The following ATRNL1 variants were observed in gnomAD, a reference collection of about 807,000 sequenced individuals.
ATRNL1 encodes the protein attractin like 1, also known as attractin-like protein 1.
In ATRNL1, 95 loss-of-function variants were observed where a neutral mutation model predicts 182.7. The observed-to-expected ratio is 0.52, with a 90% CI of 0.44 to 0.62. ATRNL1 has a LOEUF of 0.62. Ranked by LOEUF, ATRNL1 falls within the 20% of genes least tolerant of loss-of-function variation. The probability of loss-of-function intolerance (pLI) is 0.00; values close to 1 mark genes in which losing one functional copy is unlikely to be tolerated. For missense variants in ATRNL1, 1,471 were observed against 1,679.5 expected (o/e 0.88, Z 2.17); for synonymous variants, 576 against 568.3 (o/e 1.01, Z -0.19).
intron 24 of ATRNL1, among the ~76,000 whole-genome samples, chr10:115,477,982 G>A (rs1848607508): frequency 6.6e-6 from 1 of 151,632 alleles, no homozygotes; most frequent in South Asian, 2.1e-4. Context: ...TAAGCAGTAG[G>A]TATTAAGAAC....
At chr10:115,610,244 G>T (rs1857085777) in intron 26 of ATRNL1, among the ~76,000 whole-genome samples, 1 of 152,130 alleles carries the variant, frequency 6.6e-6, no homozygotes, top group Non-Finnish European at 1.5e-5. Flanking sequence ...GCTCTTAACT[G>T]CTACACTCTC....
chr10:115,289,298 G>C (rs1341162384), intron 15 of ATRNL1, among the ~76,000 whole-genome samples: 1 of 152,138 alleles, frequency 6.6e-6, no homozygotes, highest in Non-Finnish European at 1.5e-5. Flanking sequence ...ATATGGATGG[G>C]AACACAGCCA....
At chr10:115,633,053 C>T (rs1196869384) in intron 26 of ATRNL1, among the ~76,000 whole-genome samples, 5 of 151,716 alleles carry the variant, frequency 3.3e-5, no homozygotes, top group Non-Finnish European at 5.9e-5. Flanking sequence ...CTGCCACACC[C>T]GGGTAATTTT....
At chr10:115,255,872 C>G (rs1056141984) in intron 10 of ATRNL1, among the ~76,000 whole-genome samples, 5 of 152,104 alleles carry the variant, frequency 3.3e-5, no homozygotes, top group Non-Finnish European at 5.9e-5. Context: ...TGTCGAAGGC[C>G]TTTTTGGCAT....
At chr10:115,535,266 T>C (rs1390988503) in intron 25 of ATRNL1, among the ~76,000 whole-genome samples, 2 of 152,244 alleles carry the variant, frequency 1.3e-5, no homozygotes, top group Non-Finnish European at 2.9e-5. Flanking sequence ...AGATGTGGTC[T>C]TTTCACATAA....
At chr10:115,547,678 G>T (rs7912262) in intron 25 of ATRNL1, among the ~76,000 whole-genome samples, 4,209 of 152,188 alleles carry the variant, frequency 0.028, 226 homozygotes, top group African/African-American at 0.097. Context: ...AGGTTAGGAA[G>T]TATTAAGGAA....
chr10:115,671,370 AGAG>A (rs1945692567), intron 26 of ATRNL1, among the ~76,000 whole-genome samples: 1 of 152,174 alleles, frequency 6.6e-6, no homozygotes, highest in African/African-American at 2.4e-5. Context: ...AGTAATGGAT[AGAG>A]TAGATGCTTC....
intron 1 of ATRNL1, among the ~76,000 whole-genome samples, chr10:115,094,370 A>G (rs1331923625): frequency 1.3e-5 from 2 of 152,270 alleles, no homozygotes; most frequent in East Asian, 1.9e-4. Context: ...GCCCAGCACC[A>G]TTTTCTTGGG....
rs541388137 is a variant in ATRNL1 at position 115,281,393 on chromosome 10, G to A, written c.2139G>A (p.Glu713=). ...ACACCAAATGTCATGTGAGAAATGA[G>A]CAGATTTGTAACAAACTTACCAGCT... ...KNYTKCHVRN[E]QICNKLTSCK... is the part of the protein sequence containing the mutation. The change falls in exon 14 of 29, where the codon GAG becomes GAA. Residue 713 remains glutamate, a synonymous_variant. Coordinates refer to ENST00000355044, the MANE Select transcript of ATRNL1 (RefSeq NM_207303.4). 6.2e-7 allele frequency: 1 copy of A among 1,613,286 alleles called. No homozygotes were observed. The highest frequency in any genetic ancestry group is 1.3e-5 in the African/African-American group (1 of 75,002).
intron 1 of ATRNL1, chr10:115,096,772 C>G (rs1222389413): frequency 4.0e-6 from 5 of 1,258,934 alleles, no homozygotes; most frequent in Non-Finnish European, 5.1e-6. Flanking sequence ...AGCATTGATT[C>G]CAGTCTTCTG....
intron 27 of ATRNL1, among the ~76,000 whole-genome samples, chr10:115,763,406 T>C (rs1948780532): frequency 6.6e-6 from 1 of 152,174 alleles, no homozygotes; most frequent in Non-Finnish European, 1.5e-5. Context: ...AAACTAATTA[T>C]GCTCAGGAGA....
intron 18 of ATRNL1, among the ~76,000 whole-genome samples, chr10:115,320,524 T>C (rs1237268956): frequency 6.6e-6 from 1 of 152,198 alleles, no homozygotes; most frequent in Admixed American, 6.5e-5. Context: ...CTACTTCAGG[T>C]ACTCCAATCA....
intron 27 of ATRNL1, among the ~76,000 whole-genome samples, chr10:115,823,870 T>C (rs1228708243): frequency 1.3e-5 from 2 of 152,202 alleles, no homozygotes; most frequent in Non-Finnish European, 2.9e-5. Flanking sequence ...ATTTGTAGAT[T>C]CAATGCCATC....
At chr10:115,632,031 A>G (rs539746710) in intron 26 of ATRNL1, among the ~76,000 whole-genome samples, 8 of 152,284 alleles carry the variant, frequency 5.3e-5, no homozygotes, top group Admixed American at 1.3e-4. Flanking sequence ...CTAGCTAAAA[A>G]GGATTCTGGG....
chr10:115,847,269 G>A (rs562447319), intron 27 of ATRNL1, among the ~76,000 whole-genome samples: 7 of 152,072 alleles, frequency 4.6e-5, no homozygotes, highest in African/African-American at 1.7e-4. Context: ...ACTTATGTAG[G>A]ATGAATAAGT....
intron 26 of ATRNL1, among the ~76,000 whole-genome samples, chr10:115,710,493 T>G (rs1333429555): frequency 6.6e-6 from 1 of 152,070 alleles, no homozygotes; most frequent in Non-Finnish European, 1.5e-5. Context: ...ATAGAGTAAT[T>G]ATAGGAAAGT....
chr10:115,835,962 C>T (rs955453456), intron 27 of ATRNL1, among the ~76,000 whole-genome samples: 6 of 152,208 alleles, frequency 3.9e-5, no homozygotes. Context: ...TCTGTCCCCC[C>T]ACACCGATGT....
At chr10:115,152,528 G>C (rs1295796488) in intron 5 of ATRNL1, among the ~76,000 whole-genome samples, 1 of 152,122 alleles carries the variant, frequency 6.6e-6, no homozygotes, top group East Asian at 1.9e-4. Context: ...TCTATTATTG[G>C]TGTATAAGAA....
At chr10:115,567,060 C>T (rs1350579799) in intron 26 of ATRNL1, among the ~76,000 whole-genome samples, 1 of 152,112 alleles carries the variant, frequency 6.6e-6, no homozygotes, top group Non-Finnish European at 1.5e-5. Context: ...TCAAGAGCCT[C>T]CTGTTTGCTT....
Sources: gnomAD v4.1 joint callset for allele counts (sites outside exome capture counted in the v4.1 genomes callset) on GRCh38, gnomAD v4.1.1 for gene constraint, MANE v1.5 for transcripts, NCBI Gene and HGNC (gene_info 2026-07-23, HGNC 2026-07-21) for gene names.